UNC5C: variants seen among roughly 807,000 people sequenced by gnomAD.
UNC5C encodes the protein unc-5 netrin receptor C.
UNC5C carries 47 observed loss-of-function variants against 99.8 expected under a neutral mutation model. The ratio of observed to expected loss-of-function variants is 0.47; its 90% CI spans 0.37 to 0.60. UNC5C has a LOEUF of 0.60. Among genes scored for constraint, UNC5C ranks in the 20% least tolerant of loss-of-function variants. The pLI is 0.00. For synonymous variants in UNC5C, 487 were observed against 452.2 expected, an observed-to-expected ratio of 1.08 and a Z score of -0.98; for missense variants, 1,062 against 1,165.9, an observed-to-expected ratio of 0.91 and a Z score of 1.30.
intron 1 of UNC5C, among the ~76,000 whole-genome samples, chr4:95,403,809 T>C (rs1038497253): frequency 2.6e-5 from 4 of 152,204 alleles, no homozygotes; most frequent in Non-Finnish European, 5.9e-5. Flanking sequence ...TAGTGTCTCT[T>C]GAATAATCTT....
chr4:95,492,266 A>G lies in UNC5C; in HGVS notation c.124+56468T>C, dbSNP rs371060025. Among the ~76,000 whole-genome samples, 79 of 151,564 alleles carry G rather than the reference A, an allele frequency of 5.2e-4. 1 individual carries two copies. In the East Asian group the frequency reaches 5.8e-3, roughly 11 times the overall value. Reference sequence around the variant, plus strand: ...CGAGTAGCCAAGATTATGATAGCTCATAACTCTTTATATGTGTTTGCTTCT... The same window carrying G: ...CGAGTAGCCAAGATTATGATAGCTCGTAACTCTTTATATGTGTTTGCTTCT... On this transcript the variant is annotated intron_variant, in intron 1 of 15. Transcript: ENST00000453304.
chr4:95,241,668 A>G (rs751150375), intron 7 of UNC5C, among the ~76,000 whole-genome samples: 1 of 152,160 alleles, frequency 6.6e-6, no homozygotes, highest in African/African-American at 2.4e-5. Flanking sequence ...ACCTCAATTT[A>G]TGGTCATGAA....
chr4:95,517,045 T>C (rs778733726), intron 1 of UNC5C, among the ~76,000 whole-genome samples: 4 of 152,134 alleles, frequency 2.6e-5, no homozygotes, highest in Non-Finnish European at 5.9e-5. Flanking sequence ...TTCTGTAAAC[T>C]AGGGATAACA....
rs1560801804 is a variant in UNC5C at position 95,356,213 on chromosome 4, CAAAACAA to C, written c.125-20589_125-20583del. Among the ~76,000 whole-genome samples, 294 of 78,176 alleles carry C rather than the reference CAAAACAA, an allele frequency of 3.8e-3. 3 individuals carry two copies. The highest frequency in any genetic ancestry group is 0.015 in the African/African-American group (281 of 19,230). The allele number at this position is 78,176 out of a possible 152,430, so 51.3% of individuals were successfully genotyped here. On this transcript the variant is annotated intron_variant, in intron 1 of 15. Transcript: ENST00000453304. Reference sequence around the variant, plus strand: ...TGTAGCAAAAAAAAAAAAAAAAAAACAAAACAAAAAAAAAACAGATTCCTCGTTCTTC... The same window carrying C: ...TGTAGCAAAAAAAAAAAAAAAAAAACAAAAAAAACAGATTCCTCGTTCTTC...
rs1747876231 is a variant in UNC5C at position 95,468,752 on chromosome 4, G to C, written c.124+79982C>G. Among the ~76,000 whole-genome samples the C allele has an allele frequency of 3.9e-5, 6 of 152,224 alleles. No homozygotes were observed. The South Asian group carries it at 1.2e-3, about 32-fold the overall frequency. On this transcript the variant is annotated intron_variant, in intron 1 of 15. Transcript: ENST00000453304. ...AGGTCTTAATGACACCTGATCTAGAGACTGAATTACAGATGTTGTGTTTGG... is the reference window on the plus strand; with the variant it reads ...AGGTCTTAATGACACCTGATCTAGACACTGAATTACAGATGTTGTGTTTGG...
In UNC5C at chr4:95,170,201, C is replaced by T. The variant is rs149080556; in HGVS notation, c.2583G>A (p.Thr861=). Reference sequence around the variant, plus strand: ...CCAGCATCCTCCAGTCATGGCCTCTCGTCTGGGGGGCATCCAGGCTGCTAC... The same window carrying T: ...CCAGCATCCTCCAGTCATGGCCTCTTGTCTGGGGGGCATCCAGGCTGCTAC... ...KLCSSLDAPQ[T]RGHDWRMLAH... Residue 861 remains threonine (T), a synonymous_variant, in exon 15 of 16, where the codon ACG becomes ACA. Transcript: ENST00000453304. 11 of 1,614,148 alleles carry T rather than the reference C, an allele frequency of 6.8e-6. No homozygotes were observed. The highest frequency in any genetic ancestry group is 5.3e-5 in the African/African-American group (4 of 75,050).
At chr4:95,547,145 T>G (rs1435103398) in intron 1 of UNC5C, among the ~76,000 whole-genome samples, 1 of 150,446 alleles carries the variant, frequency 6.6e-6, no homozygotes, top group Non-Finnish European at 1.5e-5. Context: ...CGGTGGAGAT[T>G]CCTTTTTAAA....
chr4:95,229,527 T>A (rs1241318836), intron 7 of UNC5C, among the ~76,000 whole-genome samples: 1 of 152,222 alleles, frequency 6.6e-6, no homozygotes, highest in African/African-American at 2.4e-5. Flanking sequence ...CAGTCTATCA[T>A]TGATGGGCAT....
chr4:95,404,641 G>C (rs2149449651), intron 1 of UNC5C, among the ~76,000 whole-genome samples: 1 of 152,244 alleles, frequency 6.6e-6, no homozygotes, highest in South Asian at 2.1e-4. Context: ...ACAGGACACA[G>C]GGAAATACAG....
intron 1 of UNC5C, among the ~76,000 whole-genome samples, chr4:95,450,950 T>G (rs372207651): frequency 6.6e-6 from 1 of 152,180 alleles, no homozygotes; most frequent in East Asian, 1.9e-4. Context: ...AAAGAACATA[T>G]GTAAAAGTGC....
chr4:95,203,282 TCTA>T (rs954217641), intron 11 of UNC5C, among the ~76,000 whole-genome samples: 15 of 152,148 alleles, frequency 9.9e-5, no homozygotes, highest in African/African-American at 3.6e-4. Flanking sequence ...AATATGCAAT[TCTA>T]CTATGTTCTT....
intron 3 of UNC5C, among the ~76,000 whole-genome samples, chr4:95,296,263 G>A (rs1741667926): frequency 6.6e-6 from 1 of 152,090 alleles, no homozygotes; most frequent in Non-Finnish European, 1.5e-5. Context: ...GGTTCCTTCG[G>A]TACACACATA....
chr4:95,444,374 A>G (rs1747034051), intron 1 of UNC5C, among the ~76,000 whole-genome samples: 1 of 143,224 alleles, frequency 7.0e-6, no homozygotes, highest in African/African-American at 2.7e-5. Context: ...TCTGTCGCCC[A>G]GGCTGGAGTG....
chr4:95,323,960 C>T lies in UNC5C; in HGVS notation c.346+11450G>A, dbSNP rs571161517. Among the ~76,000 whole-genome samples, 698 of 152,068 alleles carry T rather than the reference C, an allele frequency of 4.6e-3. 3 individuals are homozygous for T. Among genetic ancestry groups the T allele is most frequent in the Non-Finnish European group, 7.5e-3 (508 of 67,970 alleles). ...CTGAGGCAGGAGAATCGCTTGAACC[C>T]GGGAGGCGGAGGTTGCAGTGAGCCG... On this transcript the variant is annotated intron_variant, in intron 2 of 15. Coordinates refer to ENST00000453304, the MANE Select transcript of UNC5C (RefSeq NM_003728.4).
At chr4:95,398,044 C>CTTT (rs34609153) in intron 1 of UNC5C, among the ~76,000 whole-genome samples, 1,171 of 95,860 alleles carry the variant, frequency 0.012, 55 homozygotes, top group East Asian at 0.086. Flanking sequence ...CCAAATGTAG[C>CTTT]TTTTTTTTTT....
chr4:95,219,791 GA>G (rs945478355), intron 8 of UNC5C, among the ~76,000 whole-genome samples, 193 bp downstream of exon 8: 100 of 151,832 alleles, frequency 6.6e-4, no homozygotes, highest in Non-Finnish European at 1.1e-3. Context: ...TGTCAGAAAA[GA>G]AAAAAAGAGG....
intron 14 of UNC5C, among the ~76,000 whole-genome samples, chr4:95,176,983 T>TG (rs71583690): frequency 0.019 from 2,958 of 152,192 alleles, 105 homozygotes; most frequent in African/African-American, 0.068. Flanking sequence ...GCGCAGTACT[T>TG]GGGGGGGAGT....
intron 2 of UNC5C, among the ~76,000 whole-genome samples, chr4:95,328,997 G>A (rs1743011654): frequency 6.6e-6 from 1 of 152,132 alleles, no homozygotes; most frequent in Admixed American, 6.6e-5. Context: ...CCATACCCCT[G>A]TTCCATGTCC....
chr4:95,228,863 G>GA (rs1199645963), intron 7 of UNC5C, among the ~76,000 whole-genome samples: 2 of 152,060 alleles, frequency 1.3e-5, no homozygotes, highest in African/African-American at 4.8e-5. Flanking sequence ...TCCTTTACAT[G>GA]AAAAAAATTT....
Sources: gnomAD v4.1 joint callset for allele counts (sites outside exome capture counted in the v4.1 genomes callset) on GRCh38, gnomAD v4.1.1 for gene constraint, MANE v1.5 for transcripts, NCBI Gene and HGNC (gene_info 2026-07-23, HGNC 2026-07-21) for gene names.